The following C2orf76 variants were observed in gnomAD, a reference collection of about 807,000 sequenced individuals.
C2orf76 encodes chromosome 2 open reading frame 76, also known as UPF0538 protein C2orf76.
In C2orf76, 23 loss-of-function variants were observed where a neutral mutation model predicts 16.9. That is an observed-to-expected ratio of 1.36 (90% CI 0.98 to 1.93). C2orf76 has a LOEUF of 1.93. Ranked by LOEUF, C2orf76 falls within the 30% of genes most tolerant of loss-of-function variation. The pLI is 0.00. For synonymous variants in C2orf76, 48 were observed against 52.3 expected (o/e 0.92, Z 0.35); for missense variants, 152 against 152.6 (o/e 1.00, Z 0.02).
chr2:119,324,914 T>C (rs1679459056), intron 2 of C2orf76, among the ~76,000 whole-genome samples: 1 of 152,224 alleles, frequency 6.6e-6, no homozygotes, highest in South Asian at 2.1e-4. Context: ...TTTTTAATCT[T>C]GCGCTATTAC....
At chr2:119,324,911 T>C (rs1298100416) in intron 2 of C2orf76, among the ~76,000 whole-genome samples, 1 of 152,230 alleles carries the variant, frequency 6.6e-6, no homozygotes, top group African/African-American at 2.4e-5. Flanking sequence ...TCATTTTTAA[T>C]CTTGCGCTAT....
intron 3 of C2orf76, among the ~76,000 whole-genome samples, chr2:119,318,449 C>CA (rs1182011334): frequency 2.6e-5 from 4 of 151,884 alleles, no homozygotes; most frequent in Non-Finnish European, 5.9e-5. Flanking sequence ...TCATAATACA[C>CA]AATAAGGTGG....
chr2:119,353,529 A>T (rs1314360600), intron 1 of C2orf76, among the ~76,000 whole-genome samples: 1 of 151,854 alleles, frequency 6.6e-6, no homozygotes, highest in Non-Finnish European at 1.5e-5. Context: ...ACATTATAAT[A>T]AAAAGAAAAA....
chr2:119,314,035 T>C (rs1227318222), intron 4 of C2orf76, among the ~76,000 whole-genome samples: 3 of 150,086 alleles, frequency 2.0e-5, no homozygotes, highest in Non-Finnish European at 4.4e-5. Flanking sequence ...TTTTTTTTTT[T>C]TTACATAGAA....
intron 1 of C2orf76, among the ~76,000 whole-genome samples, chr2:119,347,199 G>T (rs1366093976): frequency 6.6e-6 from 1 of 152,050 alleles, no homozygotes; most frequent in African/African-American, 2.4e-5. Context: ...GCTATGACAG[G>T]GTATGGAAGA....
intron 5 of C2orf76, among the ~76,000 whole-genome samples, chr2:119,306,174 G>C (rs778849537): frequency 1.3e-5 from 2 of 152,172 alleles, no homozygotes; most frequent in African/African-American, 4.8e-5. Context: ...TACTGTCGAA[G>C]GAAGAAAACA....
At chr2:119,315,269 A>G (rs1679131980) in intron 4 of C2orf76, among the ~76,000 whole-genome samples, 1 of 152,090 alleles carries the variant, frequency 6.6e-6, no homozygotes, top group South Asian at 2.1e-4. Flanking sequence ...ATGGGAAGAA[A>G]TTTCTGAGGA....
intron 1 of C2orf76, among the ~76,000 whole-genome samples, chr2:119,344,758 A>G (rs1311115626): frequency 6.6e-6 from 1 of 152,232 alleles, no homozygotes; most frequent in Non-Finnish European, 1.5e-5. Context: ...ACAAAATCCA[A>G]TAACAACTAT....
intron 1 of C2orf76, among the ~76,000 whole-genome samples, chr2:119,361,946 T>C (rs781672484): frequency 6.6e-6 from 1 of 152,106 alleles, no homozygotes; most frequent in Non-Finnish European, 1.5e-5. Context: ...TAGGCTGGAG[T>C]GTAGTGGCAG....
chr2:119,325,232 G>T (rs187951957), intron 2 of C2orf76, among the ~76,000 whole-genome samples: 138 of 152,118 alleles, frequency 9.1e-4, no homozygotes, highest in Admixed American at 1.7e-3. Context: ...GGCCGAGGCG[G>T]TTGGGCCACC....
Position 119,362,410 on chromosome 2 carries a change from G to A in C2orf76, c.-13+4380C>T, listed in dbSNP as rs145921904. On this transcript the variant is annotated intron_variant, in intron 1 of 5. Transcript: ENST00000334816. ...CAGCTGTATTTCTAATTTTCTTGTTGACAGGCAGAAGAGTTTACTAAGAAA... is the reference window on the plus strand; with the variant it reads ...CAGCTGTATTTCTAATTTTCTTGTTAACAGGCAGAAGAGTTTACTAAGAAA... Among the ~76,000 whole-genome samples, 9 of 152,242 alleles carry A rather than the reference G, an allele frequency of 5.9e-5. No homozygotes were observed. In the East Asian group the frequency reaches 1.7e-3, roughly 29 times the overall value.
chr2:119,360,891 A>G (rs1453502635), intron 1 of C2orf76, among the ~76,000 whole-genome samples: 5 of 152,264 alleles, frequency 3.3e-5, no homozygotes, highest in Admixed American at 3.3e-4. Flanking sequence ...AAAAGGCTAT[A>G]TACCACAATT....
At chr2:119,363,785 G>A (rs531226229) in intron 1 of C2orf76, among the ~76,000 whole-genome samples, 1 of 152,282 alleles carries the variant, frequency 6.6e-6, no homozygotes, top group East Asian at 1.9e-4. Context: ...CAGCATCCTG[G>A]GAGGTCGAGG....
the C2orf76 span, among the ~76,000 whole-genome samples, chr2:119,289,078 A>C: frequency 6.6e-6 from 1 of 152,108 alleles, no homozygotes. Context: ...GGAAGAGAGA[A>C]TACAGAGAGA....
the C2orf76 span, among the ~76,000 whole-genome samples, chr2:119,285,100 T>C: frequency 6.6e-6 from 1 of 152,214 alleles, no homozygotes; most frequent in Non-Finnish European, 1.5e-5. Context: ...TTGACTTAAA[T>C]AGGGAATACA....
intron 5 of C2orf76, among the ~76,000 whole-genome samples, chr2:119,309,524 G>A (rs60692140): frequency 0.077 from 11,216 of 146,598 alleles, 1,339 homozygotes; most frequent in African/African-American, 0.26. Context: ...GGTTCAAGCC[G>A]TTCTCGTGCC....
the C2orf76 span, among the ~76,000 whole-genome samples, chr2:119,285,800 C>T: frequency 6.6e-6 from 1 of 152,146 alleles, no homozygotes; most frequent in South Asian, 2.1e-4. Flanking sequence ...GAAAGTGAAT[C>T]CATTCATTCA....
chr2:119,298,416 T>A (rs761475830), downstream of C2orf76, among the ~76,000 whole-genome samples: 26 of 152,162 alleles, frequency 1.7e-4, no homozygotes, highest in Non-Finnish European at 2.6e-4. Context: ...TTTATTAGTT[T>A]CCATATTCTA....
At chr2:119,326,230 C>A (rs960282016) in intron 2 of C2orf76, among the ~76,000 whole-genome samples, 3 of 152,086 alleles carry the variant, frequency 2.0e-5, no homozygotes, top group African/African-American at 4.8e-5. Context: ...TAGTTCTTGG[C>A]CAATTTTGAG....
Sources: allele counts gnomAD v4.1 joint callset (sites outside exome capture counted in the v4.1 genomes callset), GRCh38; gene constraint gnomAD v4.1.1; transcripts MANE v1.5; gene names NCBI Gene and HGNC (gene_info 2026-07-23, HGNC 2026-07-21).